Variants in SFTPD observed in about 807,000 individuals in gnomAD.
SFTPD encodes pulmonary surfactant-associated protein D.
In SFTPD, 18 loss-of-function variants were observed where a neutral mutation model predicts 34.6. That is an observed-to-expected ratio of 0.52 (90% confidence interval 0.36 to 0.77). The LOEUF (loss-of-function observed/expected upper bound fraction) is 0.77. SFTPD is among the 30% of genes least tolerant of loss of function. The probability of loss-of-function intolerance (pLI) is 0.00; values close to 1 mark genes in which losing one functional copy is unlikely to be tolerated. For synonymous variants in SFTPD, 155 were observed against 180.9 expected, an observed-to-expected ratio of 0.86 and a Z score of 1.15; for missense variants, 433 against 468.9, an observed-to-expected ratio of 0.92 and a Z score of 0.71.
At chr10:79,946,736 T>C (rs929574382) in intron 1 of SFTPD, 74 bp from the exon 2 acceptor site, 140 of 1,386,434 alleles carry the variant, frequency 1.0e-4, no homozygotes, top group Non-Finnish European at 1.2e-4. Flanking sequence ...GCTCAGCTTC[T>C]AGAGGTGACA....
At chr10:79,981,728 C>T (rs1007324300) in intron 1 of SFTPD, 14 of 155,894 alleles carry the variant, frequency 9.0e-5, no homozygotes, top group Non-Finnish European at 8.5e-5. Context: ...TCCCACTCAG[C>T]CGCCAGCAGC....
chr10:79,979,827 A>G (rs1198559785), intron 1 of SFTPD, among the ~76,000 whole-genome samples: 1 of 152,238 alleles, frequency 6.6e-6, no homozygotes, highest in African/African-American at 2.4e-5. Flanking sequence ...TGGCCAAGAA[A>G]GTGCTTGCCT....
chr10:79,948,225 C>A (rs1842685498), intron 1 of SFTPD, among the ~76,000 whole-genome samples: 1 of 152,242 alleles, frequency 6.6e-6, no homozygotes, highest in African/African-American at 2.4e-5. Flanking sequence ...AGGGCCAGAC[C>A]CAGGCCAGAG....
intron 1 of SFTPD, among the ~76,000 whole-genome samples, chr10:79,980,588 C>T (rs75842140): frequency 1.7e-3 from 253 of 152,298 alleles, no homozygotes; most frequent in African/African-American, 5.9e-3. Flanking sequence ...GCTTGTGTCA[C>T]CCCTTCCTCA....
At chr10:79,942,984 G>C in intron 2 of SFTPD, 105 bp from the exon 3 acceptor site, 1 of 729,458 alleles carries the variant, frequency 1.4e-6, no homozygotes, top group Non-Finnish European at 2.4e-6. Flanking sequence ...TGCAGAGCAT[G>C]AGACTTCCAC....
At chr10:79,962,938 A>G (rs914583385) in intron 1 of SFTPD, among the ~76,000 whole-genome samples, 1 of 152,210 alleles carries the variant, frequency 6.6e-6, no homozygotes. Context: ...AAGTATTACA[A>G]TAAACTTCTT....
chr10:79,965,582 A>ATTT (rs1358787395), intron 1 of SFTPD, among the ~76,000 whole-genome samples: 13 of 27,046 alleles, frequency 4.8e-4, no homozygotes, highest in African/African-American at 1.8e-4. Flanking sequence ...TTTATTTTTA[A>ATTT]TGTTTTTTTT....
chr10:79,949,741 G>C (rs1296509578), upstream of SFTPD, among the ~76,000 whole-genome samples: 2 of 152,160 alleles, frequency 1.3e-5, no homozygotes, highest in Non-Finnish European at 2.9e-5. Flanking sequence ...GCCTTGCCTT[G>C]TTCAGGCTTG....
upstream of SFTPD, chr10:79,951,165 A>G (rs1221431268): frequency 6.6e-6 from 1 of 152,086 alleles, no homozygotes; most frequent in African/African-American, 2.4e-5. Context: ...TACAACTCAT[A>G]TCTTAAATTC....
rs1328613865 is a variant in SFTPD, at chr10:79,965,542, T to A, written c.36+17033A>T. The stretch of plus-strand genomic sequence containing the variant: ...ACCACTATTTCATTTTATTTTTCTT[T>A]TTTTTTTTTTAATTTTTTATTTTTT... On this transcript the variant is annotated intron_variant, in intron 1 of 5. Transcript: ENST00000444384. 1.6e-3 allele frequency among the ~76,000 whole-genome samples: 195 copies of A among 122,686 alleles called. 48 individuals carry two copies. The East Asian group carries it at 0.02, about 13-fold the overall frequency. 80.5% of individuals were successfully genotyped at this position (122,686 alleles called of 152,430 possible). A position where few individuals can be genotyped will look rare whatever the true frequency, so the allele number is the denominator to read the frequency against.
chr10:79,953,727 T>A (rs942038995), upstream of SFTPD, among the ~76,000 whole-genome samples: 3 of 152,136 alleles, frequency 2.0e-5, no homozygotes, highest in Non-Finnish European at 2.9e-5. Context: ...TTAAATTTTT[T>A]AAATTACTTT....
At chr10:79,968,745 T>C (rs1208903584) in intron 1 of SFTPD, 1 of 152,216 alleles carries the variant, frequency 6.6e-6, no homozygotes, top group African/African-American at 2.4e-5. Flanking sequence ...TTGAAAAACA[T>C]CCAGACTGCT....
chr10:79,947,898 T>C (rs974667787), intron 1 of SFTPD, among the ~76,000 whole-genome samples: 4 of 152,064 alleles, frequency 2.6e-5, no homozygotes, highest in Non-Finnish European at 5.9e-5. Flanking sequence ...AACCGTAAAG[T>C]TATGAGAGTG....
chr10:79,973,791 G>T (rs75246750), intron 1 of SFTPD, among the ~76,000 whole-genome samples: 3 of 152,112 alleles, frequency 2.0e-5, no homozygotes, highest in African/African-American at 7.2e-5. Context: ...TTCATAGCTT[G>T]CATCTACAAA....
chr10:79,974,784 G>A (rs1054227966), intron 1 of SFTPD, among the ~76,000 whole-genome samples: 4 of 152,068 alleles, frequency 2.6e-5, no homozygotes, highest in South Asian at 2.1e-4. Flanking sequence ...CAGAAATGCC[G>A]AGACCAGCTC....
At chr10:79,975,620 G>A (rs1392049062) in intron 1 of SFTPD, among the ~76,000 whole-genome samples, 1 of 152,146 alleles carries the variant, frequency 6.6e-6, no homozygotes, top group Non-Finnish European at 1.5e-5. Flanking sequence ...AGCGGCACTA[G>A]AGGAATTAAA....
At chr10:79,973,176 C>T (rs1269254688) in intron 1 of SFTPD, 1 of 152,150 alleles carries the variant, frequency 6.6e-6, no homozygotes, top group Non-Finnish European at 1.5e-5. Flanking sequence ...TATCATGAAG[C>T]TTCCCTTTTT....
In SFTPD at chr10:79,942,088, A is replaced by G. The variant is rs1438143965; in HGVS notation, c.434-18T>C. On this transcript the variant is annotated intron_variant, in intron 4 of 7. Coordinates refer to ENST00000372292, the MANE Select transcript of SFTPD (RefSeq NM_003019.5). ...TACTTCTCCTGAAGAAGGAACACACAGGAACAAACACAGCTAAGAGCGCGT... is the reference window on the plus strand; with the variant it reads ...TACTTCTCCTGAAGAAGGAACACACGGGAACAAACACAGCTAAGAGCGCGT... 1.2e-5 allele frequency: 19 copies of G among 1,563,478 alleles called. No homozygotes were observed. The highest frequency in any genetic ancestry group is 1.5e-5 in the Non-Finnish European group (17 of 1,136,578).
At chr10:79,960,214 A>G (rs1470285985) in intron 1 of SFTPD, among the ~76,000 whole-genome samples, 1 of 146,538 alleles carries the variant, frequency 6.8e-6, no homozygotes, top group African/African-American at 2.5e-5. Flanking sequence ...AACTGGAAGC[A>G]TTCCCTTTGA....
Sources: gnomAD v4.1 joint callset for allele counts (sites outside exome capture counted in the v4.1 genomes callset) on GRCh38, gnomAD v4.1.1 for gene constraint, MANE v1.5 for transcripts, NCBI Gene and HGNC (gene_info 2026-07-23, HGNC 2026-07-21) for gene names.